The following CCNF variants were observed in gnomAD, a reference collection of about 807,000 sequenced individuals.
CCNF encodes cyclin F, also known as cyclin-F.
In CCNF, 30 loss-of-function variants were observed where a neutral mutation model predicts 85.4. The observed-to-expected ratio is 0.35, with a 90% CI of 0.26 to 0.48. The LOEUF (loss-of-function observed/expected upper bound fraction) is 0.48. CCNF is among the 20% of genes least tolerant of loss of function. The probability of loss-of-function intolerance (pLI) is 0.99; values close to 1 mark genes in which losing one functional copy is unlikely to be tolerated. For missense variants in CCNF, 919 were observed against 1,010.4 expected, an observed-to-expected ratio of 0.91 and a Z score of 1.23; for synonymous variants, 439 against 425.1, an observed-to-expected ratio of 1.03 and a Z score of -0.40.
At chr16:2,450,982 T>C (rs2065391868) in intron 13 of CCNF, among the ~76,000 whole-genome samples, 1 of 152,200 alleles carries the variant, frequency 6.6e-6, no homozygotes, top group African/African-American at 2.4e-5. Flanking sequence ...TGACCCCCTG[T>C]CTGCCCCAGC....
rs551402760 is a variant in CCNF at position 2,455,640 on chromosome 16, G to A, written c.1885+76G>A. 111 of 1,491,716 alleles carry A rather than the reference G, an allele frequency of 7.4e-5. 1 individual carries two copies. Among genetic ancestry groups the A allele is most frequent in the South Asian group, 5.0e-4 (37 of 73,302 alleles). 92.4% of individuals were successfully genotyped at this position (1,491,716 alleles called of 1,614,324 possible). A position where few individuals can be genotyped will look rare whatever the true frequency, so the allele number is the denominator to read the frequency against. On this transcript the variant is annotated intron_variant, in intron 16 of 16. Coordinates refer to ENST00000397066, the MANE Select transcript of CCNF (RefSeq NM_001761.3). Reference sequence around the variant, plus strand: ...TCTCACCGAGGGCCTCTGGGCACCCGGCCCTGTGCGAGCGCTGTGGGAGGA... The same window carrying A: ...TCTCACCGAGGGCCTCTGGGCACCCAGCCCTGTGCGAGCGCTGTGGGAGGA...
In CCNF at chr16:2,457,714, A is replaced by T. The variant is rs2065437936; in HGVS notation, c.*694A>T. 6.6e-6 allele frequency: 1 copy of T among 152,244 alleles called. No homozygotes were observed. The highest frequency in any genetic ancestry group is 6.5e-5 in the Admixed American group (1 of 15,280). The allele number at this position is 152,244 out of a possible 1,614,324, so 9.4% of individuals were successfully genotyped here. ...TCTCTTTGTGCTGAATTTCTGGGCC[A>T]TTCTTTTCCTGTCTTATTTCTAAAT... On this transcript the variant is annotated 3_prime_UTR_variant, in exon 17 of 17. Transcript: ENST00000397066.
At chr16:2,448,025 G>C (rs2065371720) in intron 10 of CCNF, among the ~76,000 whole-genome samples, 1 of 152,266 alleles carries the variant, frequency 6.6e-6, no homozygotes, top group Non-Finnish European at 1.5e-5. Context: ...CTTGCGGGGG[G>C]CCGCTGGAGC....
chr16:2,434,104 G>A (rs797015802), intron 3 of CCNF, among the ~76,000 whole-genome samples: 23 of 152,054 alleles, frequency 1.5e-4, no homozygotes, highest in African/African-American at 5.1e-4. Flanking sequence ...TCGGGAGTTC[G>A]AGACCAGCCC....
chr16:2,430,372 G>A (rs774062677), intron 1 of CCNF, among the ~76,000 whole-genome samples: 2 of 152,160 alleles, frequency 1.3e-5, no homozygotes, highest in African/African-American at 4.8e-5. Flanking sequence ...TGCTGGAGTA[G>A]GAGTTGGAAA....
rs1045023123 is a variant in CCNF, at chr16:2,456,325, A to C, written c.1886-220A>C. The C allele has an allele frequency of 4.2e-6, 2 of 480,130 alleles. No individual in the cohort carries two copies. The highest frequency in any genetic ancestry group is 7.6e-5 in the Admixed American group (2 of 26,246). 29.7% of individuals were successfully genotyped at this position (480,130 alleles called of 1,614,324 possible). On this transcript the variant is annotated intron_variant, in intron 16 of 16. Transcript: ENST00000397066. This position sits in a 1 kb window ranked among gnomAD's most constrained non-coding sequence, Gnocchi z 4.5. ...TCTGCGTCCACTTGGCTTGAGCTAG[A>C]TGGCCAACTTGTCATCTCCACATTT...
rs2065401146 is a variant in CCNF at position 2,452,605 on chromosome 16, C to T, written c.1488-605C>T. On this transcript the variant is annotated intron_variant, in intron 13 of 16. Transcript: ENST00000397066. The surrounding 1 kb of genome is among the most constrained non-coding windows in gnomAD (Gnocchi z 4.1). ...GTGTGATTTAACGGGCTTTTATTCA[C>T]ACAGTTGTGCTTGTCATCACAACAA... 1 of 152,524 alleles carries T rather than the reference C, an allele frequency of 6.6e-6. No individual in the cohort carries two copies. The highest frequency in any genetic ancestry group is 6.5e-5 in the Admixed American group (1 of 15,294). 9.4% of individuals were successfully genotyped at this position (152,524 alleles called of 1,614,324 possible). A position where few individuals can be genotyped will look rare whatever the true frequency, so the allele number is the denominator to read the frequency against.
intron 1 of CCNF, 124 bp downstream of exon 1, chr16:2,429,621 T>G (rs947084996): frequency 4.2e-5 from 42 of 998,390 alleles, no homozygotes; most frequent in Non-Finnish European, 5.1e-5. Flanking sequence ...CTCGAGCTCT[T>G]TAACCCGGGG....
chr16:2,455,082 A>AC (rs2065418734), intron 15 of CCNF, among the ~76,000 whole-genome samples: 2 of 150,246 alleles, frequency 1.3e-5, no homozygotes, highest in African/African-American at 2.5e-5. Flanking sequence ...AAAAAAAAAA[A>AC]CACTGGAAGG....
chr16:2,437,437 G>A, intron 5 of CCNF, 115 bp downstream of exon 5: 1 of 753,416 alleles, frequency 1.3e-6, no homozygotes, highest in Non-Finnish European at 2.0e-6. Context: ...GGGAAGTGAA[G>A]ATGCAGAAAA....
In CCNF at chr16:2,439,790, C is replaced by G. The variant is rs201372661; in HGVS notation, c.741C>G (p.Leu247=). 6.2e-7 allele frequency: 1 copy of G among 1,614,216 alleles called. No individual in the cohort carries two copies. The highest frequency in any genetic ancestry group is 1.3e-5 in the African/African-American group (1 of 75,052). Residue 247 remains leucine (L), a synonymous_variant, in exon 8 of 17, where the codon CTC becomes CTG. Transcript: ENST00000397066. ...PGRCLHSFRK[L]RDYAAKGCWE... is the part of the protein sequence containing the mutation. ...GATGCCTCCACAGCTTCCGAAAACT[C>G]AGGGACTACGCTGCCAAAGGCTGCT...
Position 2,439,910 on chromosome 16 carries a change from G to A in CCNF, c.777+84G>A, listed in dbSNP as rs78649157. 58 of 1,201,670 alleles carry A rather than the reference G, an allele frequency of 4.8e-5. 2 individuals carry two copies. Among genetic ancestry groups the A allele is most frequent in the African/African-American group, 1.8e-4 (12 of 66,644 alleles). 74.4% of individuals were successfully genotyped at this position (1,201,670 alleles called of 1,614,324 possible). A position where few individuals can be genotyped will look rare whatever the true frequency, so the allele number is the denominator to read the frequency against. ...CAGGACTATCTGGGCTCCCACATTGGGGGGCAGGACTATCTGGGCTCCCAC... is the reference window on the plus strand; with the variant it reads ...CAGGACTATCTGGGCTCCCACATTGAGGGGCAGGACTATCTGGGCTCCCAC... On this transcript the variant is annotated intron_variant, in intron 8 of 16. Coordinates refer to ENST00000397066, the MANE Select transcript of CCNF (RefSeq NM_001761.3).
chr16:2,449,842 A>T lies in CCNF; in HGVS notation c.1414A>T (p.Thr472Ser). Residue 472 changes from threonine (T) to serine (S), a missense_variant, in exon 13 of 17, where the codon ACT becomes TCT. Thr to Ser is a moderately conservative substitution (Grantham distance 58, BLOSUM62 1). Around this residue, in one of 3 missense-constraint regions of CCNF, gnomAD observed 505 missense variants for 514.8 expected, o/e 0.98. Coordinates refer to ENST00000397066, the MANE Select transcript of CCNF (RefSeq NM_001761.3). ...TTCCTCCCCAGCACAGCCCTGGACC[A>T]CTCAGCTGTGGGACCTCACCGGATT... ...LTHGQTQPWT[T>S]QLWDLTGFSY... 1 of 1,428,178 alleles carries T rather than the reference A, an allele frequency of 7.0e-7. No homozygotes were observed. The highest frequency in any genetic ancestry group is 9.3e-7 in the Non-Finnish European group (1 of 1,074,244). The allele number at this position is 1,428,178 out of a possible 1,614,324, so 88.5% of individuals were successfully genotyped here.
chr16:2,443,441 A>G (rs1277385934), intron 8 of CCNF, among the ~76,000 whole-genome samples: 3 of 152,012 alleles, frequency 2.0e-5, no homozygotes, highest in African/African-American at 7.2e-5. Context: ...ATTTCATTAT[A>G]TATCTTTTCT....
chr16:2,449,437 C>A lies in CCNF; in HGVS notation c.1374C>A (p.Leu458=). The change falls in exon 12 of 17, where the codon CTC becomes CTA. Residue 458 remains leucine, a synonymous_variant. Coordinates refer to ENST00000397066, the MANE Select transcript of CCNF (RefSeq NM_001761.3). ...CCCGCCTGGCTGCCGCAGCCCTGCTCCTGGCCAGACTGACGCACGGGCAGA... is the reference window on the plus strand; with the variant it reads ...CCCGCCTGGCTGCCGCAGCCCTGCTACTGGCCAGACTGACGCACGGGCAGA... ...APARLAAAAL[L]LARLTHGQTQ... The A allele has an allele frequency of 6.2e-7, 1 of 1,607,638 alleles. No homozygotes were observed. Among genetic ancestry groups the A allele is most frequent in the South Asian group, 1.1e-5 (1 of 91,036 alleles).
chr16:2,447,575 C>G (rs1204947186), intron 10 of CCNF, among the ~76,000 whole-genome samples: 1 of 151,942 alleles, frequency 6.6e-6, no homozygotes, highest in Non-Finnish European at 1.5e-5. Context: ...TGGCGCAAGA[C>G]TCTGTCTCAA....
Position 2,431,180 on chromosome 16 carries a change from A to G in CCNF, c.67A>G (p.Ile23Val). Residue 23 changes from isoleucine to valine, a missense_variant, in exon 2 of 17, where the codon ATA becomes GTA. Physicochemically the swap from Ile to Val is conservative, Grantham distance 29 (BLOSUM62 3). Transcript: ENST00000397066. ...TTTCTGTTATCCTACAAAGCGAAGAATAAGGAGGAGGCCCCGAAACCTGAC... is the reference window on the plus strand; with the variant it reads ...TTTCTGTTATCCTACAAAGCGAAGAGTAAGGAGGAGGCCCCGAAACCTGAC... ...KCFCYPTKRR[I>V]RRRPRNLTIL... 1.2e-6 allele frequency: 2 copies of G among 1,614,160 alleles called. No homozygotes were observed. The highest frequency in any genetic ancestry group is 1.7e-6 in the Non-Finnish European group (2 of 1,180,032).
chr16:2,442,809 A>T (rs111218534), intron 8 of CCNF, among the ~76,000 whole-genome samples: 5,447 of 12,480 alleles, frequency 0.44, 2,460 homozygotes, highest in African/African-American at 0.88. Context: ...ATAATATATA[A>T]TATATTCTAT....
chr16:2,435,343 C>T (rs2065283369), intron 3 of CCNF, among the ~76,000 whole-genome samples: 2 of 151,682 alleles, frequency 1.3e-5, no homozygotes, highest in Non-Finnish European at 2.9e-5. Context: ...TTTATGAGGC[C>T]AAGGCAGGAG....
Sources: gnomAD v4.1 joint callset for allele counts (sites outside exome capture counted in the v4.1 genomes callset) on GRCh38, gnomAD v4.1.1 for gene constraint, gnomAD v4.1.1 regional missense constraint, Gnocchi (gnomAD v3.1) non-coding constraint, MANE v1.5 for transcripts, NCBI Gene and HGNC (gene_info 2026-07-23, HGNC 2026-07-21) for gene names.